The following CSMD3 variants were observed in gnomAD, a reference collection of about 807,000 sequenced individuals.
CSMD3 encodes CUB and sushi domain-containing protein 3.
Under a neutral mutation model 435.2 loss-of-function variants are expected in CSMD3, and 177 were observed. That is an observed-to-expected ratio of 0.41 (90% confidence interval 0.36 to 0.46). The LOEUF (loss-of-function observed/expected upper bound fraction) is 0.46. Ranked by LOEUF, CSMD3 falls within the 20% of genes least tolerant of loss-of-function variation. The pLI, the probability that CSMD3 is intolerant of heterozygous loss-of-function variation, is 0.34. For missense variants in CSMD3, 4,265 were observed against 4,504.6 expected (o/e 0.95, Z 1.52); for synonymous variants, 1,656 against 1,520.5 (o/e 1.09, Z -2.07).
chr8:113,148,214 A>C (rs1588153498), intron 4 of CSMD3, among the ~76,000 whole-genome samples: 1 of 151,858 alleles, frequency 6.6e-6, no homozygotes, highest in Admixed American at 6.6e-5. Context: ...CAAAAATACC[A>C]AATAATTTTC....
rs148546069 is a variant in CSMD3 at position 112,358,147 on chromosome 8, A to G, written c.6137-5613T>C. Among the ~76,000 whole-genome samples, 141 of 152,246 alleles carry G rather than the reference A, an allele frequency of 9.3e-4. 1 individual carries two copies. In the East Asian group the frequency reaches 0.025, roughly 27 times the overall value. On this transcript the variant is annotated intron_variant, in intron 38 of 70. Coordinates refer to ENST00000297405, the MANE Select transcript of CSMD3 (RefSeq NM_198123.2). ...GATCATTTTGGCACTTTAAGATATGACTGCCCCATTTGATTTTGAACTTGC... is the reference window on the plus strand; with the variant it reads ...GATCATTTTGGCACTTTAAGATATGGCTGCCCCATTTGATTTTGAACTTGC...
At chr8:112,576,712 A>G (rs1277474601) in intron 23 of CSMD3, among the ~76,000 whole-genome samples, 8 of 121,566 alleles carry the variant, frequency 6.6e-5, no homozygotes, top group East Asian at 3.1e-4. Context: ...TGTATTTTTT[A>G]TACAAATGGG....
rs566301589 is a variant in CSMD3 at position 113,215,313 on chromosome 8, C to A, written c.515-41397G>T. The stretch of plus-strand genomic sequence containing the variant: ...TTCAAGAGTTTCTACTTACTACTTT[C>A]TTGTCTTATGAAAAATACACAAAAG... On this transcript the variant is annotated intron_variant, in intron 3 of 70. Transcript: ENST00000297405. 8.3e-3 allele frequency among the ~76,000 whole-genome samples: 1,262 copies of A among 151,894 alleles called. 17 individuals are homozygous for A. Among genetic ancestry groups the A allele is most frequent in the African/African-American group, 0.028 (1,182 of 41,506 alleles).
chr8:113,334,080 A>T (rs2094049436), intron 1 of CSMD3, among the ~76,000 whole-genome samples: 1 of 151,868 alleles, frequency 6.6e-6, no homozygotes, highest in Admixed American at 6.6e-5. Flanking sequence ...TACTATACAA[A>T]AATTACGATT....
intron 15 of CSMD3, among the ~76,000 whole-genome samples, chr8:112,683,370 TG>T (rs2075943618): frequency 6.6e-6 from 1 of 152,000 alleles, no homozygotes; most frequent in Non-Finnish European, 1.5e-5. Flanking sequence ...ATGTATCCCC[TG>T]GACCGGATTT....
chr8:112,297,861 C>T (rs1412366174), intron 53 of CSMD3, among the ~76,000 whole-genome samples: 1 of 151,850 alleles, frequency 6.6e-6, no homozygotes, highest in African/African-American at 2.4e-5. Context: ...TGGCTTATGC[C>T]TATAATTCCA....
chr8:112,618,440 A>T (rs956180289), intron 22 of CSMD3, among the ~76,000 whole-genome samples: 6 of 152,128 alleles, frequency 3.9e-5, no homozygotes, highest in African/African-American at 9.6e-5. Context: ...AGGAGGAAAC[A>T]TCCTAAACCA....
chr8:112,962,894 C>G (rs2084282751), intron 7 of CSMD3, among the ~76,000 whole-genome samples: 3 of 151,956 alleles, frequency 2.0e-5, no homozygotes, highest in Admixed American at 1.3e-4. Context: ...ATTAGAAGCA[C>G]TGGCGTCACC....
At chr8:112,891,266 G>A (rs1564072256) in intron 10 of CSMD3, among the ~76,000 whole-genome samples, 1 of 151,558 alleles carries the variant, frequency 6.6e-6, no homozygotes, top group African/African-American at 2.4e-5. Flanking sequence ...AGCCAGAACC[G>A]CCTTTGAATT....
At chr8:112,930,337 CTTATA>C (rs1408479304) in intron 9 of CSMD3, among the ~76,000 whole-genome samples, 4 of 151,960 alleles carry the variant, frequency 2.6e-5, no homozygotes, top group Admixed American at 6.6e-5. Context: ...TTTTTCCAGG[CTTATA>C]TTATATTAAA....
intron 10 of CSMD3, among the ~76,000 whole-genome samples, chr8:112,909,950 T>A (rs1012746723): frequency 4.6e-5 from 7 of 151,800 alleles, no homozygotes; most frequent in Non-Finnish European, 8.8e-5. Flanking sequence ...ACTTTGCCAC[T>A]CTGTAGAACA....
chr8:112,909,156 A>T (rs959905427), intron 10 of CSMD3, among the ~76,000 whole-genome samples: 1 of 151,642 alleles, frequency 6.6e-6, no homozygotes, highest in African/African-American at 2.4e-5. Context: ...AATCCTACTA[A>T]ATATGAATAT....
At chr8:113,342,716 T>C (rs2094128109) in intron 1 of CSMD3, among the ~76,000 whole-genome samples, 1 of 152,112 alleles carries the variant, frequency 6.6e-6, no homozygotes, top group African/African-American at 2.4e-5. Context: ...GGCAAATACT[T>C]TGGGCTTTCC....
At chr8:113,191,765 G>T (rs2092589103) in intron 3 of CSMD3, among the ~76,000 whole-genome samples, 1 of 151,616 alleles carries the variant, frequency 6.6e-6, no homozygotes, top group South Asian at 2.1e-4. Context: ...TTTCCTTTGG[G>T]TATATACCCA....
At chr8:112,310,759 A>G (rs997811027) in intron 50 of CSMD3, 1 of 635,986 alleles carries the variant, frequency 1.6e-6, no homozygotes, top group Non-Finnish European at 2.8e-6. Context: ...AAGTCAAGGC[A>G]TATAAGTTGC....
At chr8:113,128,942 C>G (rs1315112088) in intron 4 of CSMD3, among the ~76,000 whole-genome samples, 1 of 152,058 alleles carries the variant, frequency 6.6e-6, no homozygotes, top group Admixed American at 6.6e-5. Flanking sequence ...TTGCAAAATG[C>G]ATTTCTGCTC....
At chr8:113,149,109 T>C (rs997516733) in intron 4 of CSMD3, among the ~76,000 whole-genome samples, 1 of 151,842 alleles carries the variant, frequency 6.6e-6, no homozygotes, top group Non-Finnish European at 1.5e-5. Context: ...TTCAGTTTAA[T>C]TGAATGACAA....
intron 22 of CSMD3, among the ~76,000 whole-genome samples, chr8:112,590,038 C>T (rs1341709032): frequency 6.6e-6 from 1 of 152,064 alleles, no homozygotes; most frequent in Non-Finnish European, 1.5e-5. Flanking sequence ...CACTGTAATA[C>T]AAACAATTTA....
intron 10 of CSMD3, among the ~76,000 whole-genome samples, chr8:112,862,685 A>G (rs141429947): frequency 1.3e-5 from 2 of 152,236 alleles, no homozygotes; most frequent in East Asian, 3.9e-4. Flanking sequence ...GTGGCTTACA[A>G]CAATGAGTAA....
Sources: gnomAD v4.1 joint callset for allele counts (sites outside exome capture counted in the v4.1 genomes callset) on GRCh38, gnomAD v4.1.1 for gene constraint, MANE v1.5 for transcripts, NCBI Gene and HGNC (gene_info 2026-07-23, HGNC 2026-07-21) for gene names.